HOOK1: variants seen among roughly 807,000 people sequenced by gnomAD.
HOOK1 encodes hook microtubule tethering protein 1, also known as protein Hook homolog 1.
In HOOK1, 60 loss-of-function variants were observed where a neutral mutation model predicts 112.8. The observed-to-expected ratio is 0.53, with a 90% confidence interval of 0.43 to 0.66. HOOK1 has a LOEUF of 0.66. Ranked by LOEUF, HOOK1 falls within the 30% of genes least tolerant of loss-of-function variation. The pLI is 0.00. For missense variants in HOOK1, 770 were observed against 856.0 expected (o/e 0.90, Z 1.25); for synonymous variants, 294 against 283.8 (o/e 1.04, Z -0.36).
chr1:59,846,592 T>C (rs200734531), intron 9 of HOOK1, among the ~76,000 whole-genome samples: 2 of 43,348 alleles, frequency 4.6e-5, no homozygotes, highest in African/African-American at 1.2e-4. Flanking sequence ...CCTTCCTCCC[T>C]CCTCCCTCCC....
At chr1:59,835,758 C>T (rs1055396301) in intron 6 of HOOK1, among the ~76,000 whole-genome samples, 1 of 152,088 alleles carries the variant, frequency 6.6e-6, no homozygotes, top group African/African-American at 2.4e-5. Flanking sequence ...GAAACTGTTC[C>T]ACCTCAGATA....
At chr1:59,835,570 TA>T (rs1391779115) in intron 6 of HOOK1, among the ~76,000 whole-genome samples, 158 bp downstream of exon 6, 2 of 152,144 alleles carry the variant, frequency 1.3e-5, no homozygotes, top group Non-Finnish European at 2.9e-5. Context: ...AAAAATATTT[TA>T]AAAGGCCTTT....
intron 1 of HOOK1, among the ~76,000 whole-genome samples, chr1:59,820,346 A>G (rs1486929112): frequency 6.6e-6 from 1 of 152,158 alleles, no homozygotes; most frequent in Admixed American, 6.5e-5. Context: ...ACTGTTTCTT[A>G]TTATGTAGAT....
intron 12 of HOOK1, among the ~76,000 whole-genome samples, chr1:59,850,521 G>A (rs1467718545): frequency 6.6e-6 from 1 of 151,366 alleles, no homozygotes; most frequent in Non-Finnish European, 1.5e-5. Context: ...TATTTAGTCT[G>A]TGATCCATTT....
At chr1:59,871,132 G>A in intron 21 of HOOK1, 22 bp downstream of exon 21, 1 of 1,557,874 alleles carries the variant, frequency 6.4e-7, no homozygotes, top group Non-Finnish European at 8.8e-7. Flanking sequence ...TTCAGCAAAT[G>A]ATTGGATGAG....
At chr1:59,851,832 T>C (rs1380428003) in intron 12 of HOOK1, among the ~76,000 whole-genome samples, 1 of 151,694 alleles carries the variant, frequency 6.6e-6, no homozygotes, top group Non-Finnish European at 1.5e-5. Context: ...CTCTACAAGG[T>C]TGAAGAATTT....
In HOOK1 at chr1:59,875,786, T is replaced by C. The variant is rs1257200663; in HGVS notation, c.*2821T>C. 1 of 152,180 alleles carries C rather than the reference T, an allele frequency of 6.6e-6. No homozygotes were observed. The highest frequency in any genetic ancestry group is 2.4e-5 in the African/African-American group (1 of 41,448). 9.4% of individuals were successfully genotyped at this position (152,180 alleles called of 1,614,324 possible). ...GATTAACTTATGTATTGAGGAAAAT[T>C]TGAAGTTTATTTTTTCGATGAATAA... On this transcript the variant is annotated 3_prime_UTR_variant, in exon 22 of 22. Transcript: ENST00000371208.
Position 59,830,651 on chromosome 1 carries a change from G to A in HOOK1, c.223-1512G>A, listed in dbSNP as rs1018041439. Among the ~76,000 whole-genome samples the A allele has an allele frequency of 5.3e-5, 8 of 151,984 alleles. No individual in the cohort carries two copies. The Middle Eastern group carries it at 0.01, about 195-fold the overall frequency. On this transcript the variant is annotated intron_variant, in intron 3 of 21. Coordinates refer to ENST00000371208, the MANE Select transcript of HOOK1 (RefSeq NM_015888.6). ...TTATCCAGTTTGACAATCTGTATTTGATTCTTTATTGTAAAAAACCTTCTA... is the reference window on the plus strand; with the variant it reads ...TTATCCAGTTTGACAATCTGTATTTAATTCTTTATTGTAAAAAACCTTCTA...
chr1:59,821,948 G>C lies in HOOK1; in HGVS notation c.149+5G>C. ...GGCACAAGTTCTTCATCAAATGTGA[G>C]TAGTGGTCAGACTCTCCCTGAAAAG... On this transcript the variant is annotated splice_donor_5th_base_variant and intron_variant, in intron 2 of 21. Transcript: ENST00000371208. 1 of 1,605,536 alleles carries C rather than the reference G, an allele frequency of 6.2e-7. No individual in the cohort carries two copies. Among genetic ancestry groups the C allele is most frequent in the Non-Finnish European group, 8.5e-7 (1 of 1,173,216 alleles).
intron 2 of HOOK1, among the ~76,000 whole-genome samples, chr1:59,826,618 G>C (rs921588215): frequency 6.6e-6 from 1 of 152,198 alleles, no homozygotes; most frequent in Non-Finnish European, 1.5e-5. Context: ...GGTAATTATA[G>C]CATAGAATCA....
chr1:59,853,214 A>G lies in HOOK1; in HGVS notation c.1242+4031A>G, dbSNP rs74473581. Among the ~76,000 whole-genome samples, 25 of 152,144 alleles carry G rather than the reference A, an allele frequency of 1.6e-4. No individual in the cohort carries two copies. The East Asian group carries it at 4.6e-3, about 28-fold the overall frequency. On this transcript the variant is annotated intron_variant, in intron 12 of 21. Coordinates refer to ENST00000371208, the MANE Select transcript of HOOK1 (RefSeq NM_015888.6). ...TTCTATTATTGAAAGTAGGATACTGATATTTCCAATTGTTGTTATATCATC... is the reference window on the plus strand; with the variant it reads ...TTCTATTATTGAAAGTAGGATACTGGTATTTCCAATTGTTGTTATATCATC...
intron 19 of HOOK1, among the ~76,000 whole-genome samples, 177 bp downstream of exon 19, chr1:59,866,149 C>T (rs1383694813): frequency 6.6e-6 from 1 of 152,156 alleles, no homozygotes; most frequent in Admixed American, 6.6e-5. Flanking sequence ...CTCTTAGTCT[C>T]ACTCATCAGT....
intron 9 of HOOK1, among the ~76,000 whole-genome samples, chr1:59,844,554 C>T (rs1232507038): frequency 6.6e-6 from 1 of 151,748 alleles, no homozygotes; most frequent in African/African-American, 2.4e-5. Context: ...CTTTCTTTTT[C>T]AAAATTTGTT....
At chr1:59,821,760 TTG>T in intron 1 of HOOK1, 96 bp from the exon 2 acceptor site, 1 of 837,920 alleles carries the variant, frequency 1.2e-6, no homozygotes, top group Non-Finnish European at 1.8e-6. Context: ...TTTTTTTTTT[TTG>T]TTTTTTTTAG....
chr1:59,821,760 T>G, intron 1 of HOOK1, 98 bp from the exon 2 acceptor site: 1 of 837,918 alleles, frequency 1.2e-6, no homozygotes, highest in Non-Finnish European at 1.8e-6. Flanking sequence ...TTTTTTTTTT[T>G]TGTTTTTTTT....
At chr1:59,833,306 G>A (rs2098395329) in intron 4 of HOOK1, 99 bp from the exon 5 acceptor site, 1 of 892,636 alleles carries the variant, frequency 1.1e-6, no homozygotes, top group Non-Finnish European at 1.6e-6. Flanking sequence ...TATCTGAGTT[G>A]TTTCGTGAAT....
rs759988530 is a variant in HOOK1, at chr1:59,843,450, G to A, written c.640G>A (p.Glu214Lys). 5 of 1,609,380 alleles carry A rather than the reference G, an allele frequency of 3.1e-6. No individual in the cohort carries two copies. The highest frequency in any genetic ancestry group is 3.4e-6 in the Non-Finnish European group (4 of 1,177,854). Reference sequence around the variant, plus strand: ...TTCTTAGGTGACTACACTTCAAGATGAAAAGAATTCACTGGTTTCTGAAAA... The same window carrying A: ...TTCTTAGGTGACTACACTTCAAGATAAAAAGAATTCACTGGTTTCTGAAAA... ...LDMQVTTLQD[E>K]KNSLVSENEM... The change falls in exon 9 of 22, where the codon GAA becomes AAA. Residue 214 changes from glutamate to lysine, a missense_variant. This residue lies in a region of HOOK1 where 655 missense variants were observed against 725.9 expected (regional missense o/e 0.90). Coordinates refer to ENST00000371208, the MANE Select transcript of HOOK1 (RefSeq NM_015888.6).
Position 59,847,137 on chromosome 1 carries a change from G to A in HOOK1, c.881G>A (p.Ser294Asn), listed in dbSNP as rs765194737. 24 of 1,607,084 alleles carry A rather than the reference G, an allele frequency of 1.5e-5. No homozygotes were observed. In the South Asian group the frequency reaches 2.7e-4, roughly 18 times the overall value. ...CAGCATAGGAATGATGAATTGACTA[G>A]TCTTGCAGAAGAAACAAGAGCCCTG... ...EFQHRNDELTSLAEETRALKD... is the reference protein window; with the variant it reads ...EFQHRNDELTNLAEETRALKD... The change falls in exon 10 of 22, where the codon AGT becomes AAT. Residue 294 changes from serine to asparagine, a missense_variant. By Grantham distance (46) the Ser-to-Asn change is conservative. Transcript: ENST00000371208.
At position 59,872,982 on chromosome 1, in the gene HOOK1, A is replaced by G. The variant is rs28532535; in HGVS notation, c.*17A>G. On this transcript the variant is annotated 3_prime_UTR_variant, in exon 22 of 22. Coordinates refer to ENST00000371208, the MANE Select transcript of HOOK1 (RefSeq NM_015888.6). ...TCTGATTAAACTGCAAAAAAAACAA[A>G]ACAAAACAAAAAAACCACATAAAAT... 531 of 1,437,490 alleles carry G rather than the reference A, an allele frequency of 3.7e-4. 1 individual carries two copies. The African/African-American group carries it at 5.4e-3, about 15-fold the overall frequency. The allele number at this position is 1,437,490 out of a possible 1,614,324, so 89.0% of individuals were successfully genotyped here.
Sources: gnomAD v4.1 joint callset for allele counts (sites outside exome capture counted in the v4.1 genomes callset) on GRCh38, gnomAD v4.1.1 for gene constraint, gnomAD v4.1.1 regional missense constraint, MANE v1.5 for transcripts, NCBI Gene and HGNC (gene_info 2026-07-23, HGNC 2026-07-21) for gene names.